LOC128092252: variants seen among roughly 807,000 people sequenced by gnomAD.
chr15:50,679,532 A>ATGTG, the LOC128092252 span, among the ~76,000 whole-genome samples: 2 of 33,380 alleles, frequency 6.0e-5, no homozygotes, highest in South Asian at 9.7e-4. Context: ...ATATATATAT[A>ATGTG]TATATATTTT....
At chr15:50,651,754 G>A in the LOC128092252 span, among the ~76,000 whole-genome samples, 4 of 152,026 alleles carry the variant, frequency 2.6e-5, no homozygotes, top group East Asian at 1.9e-4. Context: ...GCTGGGCGTC[G>A]TGGCAGTCGC....
At chr15:50,678,663 CTA>C in the LOC128092252 span, among the ~76,000 whole-genome samples, 1 of 151,890 alleles carries the variant, frequency 6.6e-6, no homozygotes, top group Non-Finnish European at 1.5e-5. Flanking sequence ...GATACGAACC[CTA>C]TGAGAGTTTT....
chr15:50,653,586 C>T, the LOC128092252 span, among the ~76,000 whole-genome samples: 1 of 152,038 alleles, frequency 6.6e-6, no homozygotes, highest in African/African-American at 2.4e-5. Flanking sequence ...TGAGGTAAAC[C>T]CCCATGACTG....
the LOC128092252 span, among the ~76,000 whole-genome samples, chr15:50,671,796 C>A: frequency 0.014 from 2,111 of 151,790 alleles, 47 homozygotes; most frequent in African/African-American, 0.049. Context: ...GGTGAGAGAA[C>A]TTGTCTCGAA....
At chr15:50,683,591 G>A in the LOC128092252 span, among the ~76,000 whole-genome samples, 3,073 of 152,184 alleles carry the variant, frequency 0.02, 111 homozygotes, top group African/African-American at 0.07. Flanking sequence ...AAAATTAGCC[G>A]GGTGTGGTGG....
At chr15:50,678,419 G>C in the LOC128092252 span, among the ~76,000 whole-genome samples, 1 of 150,286 alleles carries the variant, frequency 6.7e-6, no homozygotes, top group Non-Finnish European at 1.5e-5. Flanking sequence ...GTTGAAATAA[G>C]CTGGCACTCT....
the LOC128092252 span, among the ~76,000 whole-genome samples, chr15:50,659,180 G>A: frequency 6.8e-5 from 10 of 147,668 alleles, no homozygotes; most frequent in African/African-American, 2.0e-4. Flanking sequence ...ATGACAGAGC[G>A]AGACTCCGTC....
chr15:50,663,581 T>C, the LOC128092252 span, among the ~76,000 whole-genome samples: 1 of 152,114 alleles, frequency 6.6e-6, no homozygotes, highest in African/African-American at 2.4e-5. Flanking sequence ...TTGCTTCAAA[T>C]AGTCAAACAG....
the LOC128092252 span, among the ~76,000 whole-genome samples, chr15:50,664,818 G>A: frequency 4.6e-5 from 7 of 152,066 alleles, no homozygotes; most frequent in African/African-American, 1.2e-4. Flanking sequence ...ACAGTCAGCC[G>A]GGTGTGGTGG....
At chr15:50,668,853 G>T in the LOC128092252 span, among the ~76,000 whole-genome samples, 1 of 152,120 alleles carries the variant, frequency 6.6e-6, no homozygotes, top group African/African-American at 2.4e-5. Flanking sequence ...GTTTTCTCTT[G>T]TGACAGGACA....
chr15:50,681,997 G>T, the LOC128092252 span, among the ~76,000 whole-genome samples: 1 of 151,848 alleles, frequency 6.6e-6, no homozygotes, highest in Non-Finnish European at 1.5e-5. Context: ...GGCCAACATG[G>T]GGAAACCCTG....
chr15:50,648,977 C>A, the LOC128092252 span: 1 of 930,638 alleles, frequency 1.1e-6, no homozygotes, highest in Non-Finnish European at 1.5e-6. Context: ...CAAATATAAG[C>A]TTTAAAATTT....
At chr15:50,683,726 A>T in the LOC128092252 span, among the ~76,000 whole-genome samples, 1 of 152,196 alleles carries the variant, frequency 6.6e-6, no homozygotes, top group Non-Finnish European at 1.5e-5. Context: ...TTCCAAAAAA[A>T]ACAAAATAAA....
the LOC128092252 span, among the ~76,000 whole-genome samples, chr15:50,655,102 T>C: frequency 6.9e-6 from 1 of 144,804 alleles, no homozygotes; most frequent in African/African-American, 2.5e-5. Flanking sequence ...ATAGAAATTA[T>C]TCAATACATC....
chr15:50,653,792 C>T, the LOC128092252 span, among the ~76,000 whole-genome samples: 221 of 152,256 alleles, frequency 1.5e-3, 2 homozygotes, highest in African/African-American at 5.3e-3. Context: ...CACCATGGGT[C>T]TTTGGCCATG....
the LOC128092252 span, among the ~76,000 whole-genome samples, chr15:50,663,789 G>A: frequency 2.0e-5 from 3 of 151,976 alleles, no homozygotes; most frequent in East Asian, 1.9e-4. Context: ...ATGGTGAAAC[G>A]CCATCTCTAC....
At chr15:50,656,550 G>A in the LOC128092252 span, among the ~76,000 whole-genome samples, 1 of 148,306 alleles carries the variant, frequency 6.7e-6, no homozygotes, top group Non-Finnish European at 1.5e-5. Flanking sequence ...TACCCGGGCT[G>A]GTCTCAAACT....
the LOC128092252 span, among the ~76,000 whole-genome samples, chr15:50,650,997 G>C: frequency 6.6e-6 from 1 of 151,880 alleles, no homozygotes; most frequent in Non-Finnish European, 1.5e-5. Context: ...AGACCAGCCC[G>C]GGCAACATGG....
At chr15:50,686,513 C>A in the LOC128092252 span, 10 of 1,613,790 alleles carry the variant, frequency 6.2e-6, no homozygotes, top group African/African-American at 9.3e-5. Flanking sequence ...CCCGCCCGGG[C>A]CTGCGTGGGT....
Sources: allele counts gnomAD v4.1 joint callset (sites outside exome capture counted in the v4.1 genomes callset), GRCh38; gene constraint gnomAD v4.1.1; transcripts MANE v1.5.